The following CSNK1A1 variants were observed in gnomAD, a reference collection of about 807,000 sequenced individuals.
CSNK1A1 encodes casein kinase 1 alpha 1.
CSNK1A1 carries 7 observed loss-of-function variants against 46.1 expected under a neutral mutation model. The ratio of observed to expected loss-of-function variants is 0.15; its 90% CI spans 0.09 to 0.29. The LOEUF is 0.29. Among genes scored for constraint, CSNK1A1 ranks in the 10% least tolerant of loss-of-function variants. The pLI, the probability that CSNK1A1 is intolerant of heterozygous loss-of-function variation, is 1.00. For missense variants in CSNK1A1, 96 were observed against 417.1 expected, an observed-to-expected ratio of 0.23 and a Z score of 6.71; for synonymous variants, 137 against 141.5, an observed-to-expected ratio of 0.97 and a Z score of 0.23.
chr5:149,549,013 T>G (rs764695555), intron 2 of CSNK1A1, among the ~76,000 whole-genome samples: 7 of 152,196 alleles, frequency 4.6e-5, no homozygotes, highest in Admixed American at 6.5e-5. Context: ...GTTAAAACAT[T>G]AAAACCCTCC....
In CSNK1A1 at chr5:149,551,051, G is replaced by A. The variant is rs1762642973; in HGVS notation, c.-87C>T. The A allele has an allele frequency of 6.7e-7, 1 of 1,482,218 alleles. No individual in the cohort carries two copies. Among genetic ancestry groups the A allele is most frequent in the Non-Finnish European group, 9.2e-7 (1 of 1,083,218 alleles). The allele number at this position is 1,482,218 out of a possible 1,614,324, so 91.8% of individuals were successfully genotyped here. A position where few individuals can be genotyped will look rare whatever the true frequency, so the allele number is the denominator to read the frequency against. On this transcript the variant is annotated 5_prime_UTR_variant, in exon 1 of 10. Coordinates refer to ENST00000377843, the MANE Select transcript of CSNK1A1 (RefSeq NM_001892.6). The stretch of plus-strand genomic sequence containing the variant: ...CCTCGGGGCTCCTACACTAGGCAAG[G>A]CTACGGAGGAGGGCGGCAGGAAACG...
intron 5 of CSNK1A1, 41 bp from the exon 6 acceptor site, chr5:149,511,913 T>C (rs1761233891): frequency 6.8e-7 from 1 of 1,465,932 alleles, no homozygotes; most frequent in African/African-American, 1.4e-5. Flanking sequence ...GAACTATTAT[T>C]ATGAAAAAAC....
intron 2 of CSNK1A1, among the ~76,000 whole-genome samples, chr5:149,535,738 T>C (rs1452002088): frequency 6.6e-6 from 1 of 152,148 alleles, no homozygotes. Flanking sequence ...GCCTCCCAGA[T>C]TCAAGCGATT....
intron 2 of CSNK1A1, among the ~76,000 whole-genome samples, chr5:149,530,017 T>C (rs1417079830): frequency 6.6e-6 from 1 of 152,130 alleles, no homozygotes; most frequent in Admixed American, 6.5e-5. Flanking sequence ...CCAGAATAAA[T>C]CAGTGTAATT....
chr5:149,519,850 G>A (rs376086354), intron 4 of CSNK1A1, among the ~76,000 whole-genome samples: 4 of 152,122 alleles, frequency 2.6e-5, no homozygotes, highest in African/African-American at 9.7e-5. Flanking sequence ...TAACACCATG[G>A]TGACAGATAA....
At chr5:149,534,906 C>CAAAA (rs537826461) in intron 2 of CSNK1A1, among the ~76,000 whole-genome samples, 1 of 72,524 alleles carries the variant, frequency 1.4e-5, no homozygotes, top group Non-Finnish European at 2.9e-5. Context: ...CCTTGTCTCC[C>CAAAA]AAAAAAAAAA....
At chr5:149,538,922 CAAA>C (rs5872132) in intron 2 of CSNK1A1, among the ~76,000 whole-genome samples, 1 of 131,906 alleles carries the variant, frequency 7.6e-6, no homozygotes, top group Admixed American at 7.5e-5. Flanking sequence ...AACTCCGTCT[CAAA>C]AAAAAAAAAA....
chr5:149,547,965 G>A (rs1229035968), intron 2 of CSNK1A1, among the ~76,000 whole-genome samples: 2 of 151,920 alleles, frequency 1.3e-5, no homozygotes, highest in Admixed American at 6.5e-5. Context: ...CCGACTCCCG[G>A]GTTCAAGCTA....
At chr5:149,542,919 T>C (rs1226506809) in intron 2 of CSNK1A1, among the ~76,000 whole-genome samples, 2 of 151,112 alleles carry the variant, frequency 1.3e-5, no homozygotes, top group African/African-American at 2.4e-5. Flanking sequence ...GGTTTCGAAC[T>C]CCTGACCTCA....
At chr5:149,511,993 C>T (rs1022112970) in intron 5 of CSNK1A1, 121 bp from the exon 6 acceptor site, 21 of 685,018 alleles carry the variant, frequency 3.1e-5, no homozygotes, top group Admixed American at 9.2e-5. Flanking sequence ...TGGTGTCTTA[C>T]GCAAGAAGCT....
chr5:149,496,904 A>G, intron 9 of CSNK1A1, 44 bp from the exon 10 acceptor site: 1 of 1,528,664 alleles, frequency 6.5e-7, no homozygotes, highest in Non-Finnish European at 8.7e-7. Context: ...ATTCCAAGTC[A>G]AAAATTTTAA....
Position 149,512,967 on chromosome 5 carries a change from G to T in CSNK1A1, c.596+103C>A, listed in dbSNP as rs528752573. 4.7e-5 allele frequency: 64 copies of T among 1,356,948 alleles called. No individual in the cohort carries two copies. In the East Asian group the frequency reaches 1.5e-3, roughly 31 times the overall value. The allele number at this position is 1,356,948 out of a possible 1,614,324, so 84.1% of individuals were successfully genotyped here. A position where few individuals can be genotyped will look rare whatever the true frequency, so the allele number is the denominator to read the frequency against. ...TTAATAAGCATCCTTCAAATCCTCA[G>T]CCAAGAAACATCCTTAGACATTGTA... On this transcript the variant is annotated intron_variant, in intron 5 of 9. Coordinates refer to ENST00000377843, the MANE Select transcript of CSNK1A1 (RefSeq NM_001892.6).
chr5:149,498,390 T>C, intron 9 of CSNK1A1: 1 of 985,384 alleles, frequency 1.0e-6, no homozygotes, highest in Non-Finnish European at 1.2e-6. Flanking sequence ...ATGCATGTTA[T>C]TAAGAAGTAT....
At chr5:149,539,275 G>A (rs1762156327) in intron 2 of CSNK1A1, among the ~76,000 whole-genome samples, 1 of 151,994 alleles carries the variant, frequency 6.6e-6, no homozygotes, top group South Asian at 2.1e-4. Context: ...TACAGCCTGA[G>A]CAACACAGTG....
intron 9 of CSNK1A1, chr5:149,497,085 A>G (rs1760676674): frequency 7.5e-7 from 1 of 1,329,988 alleles, no homozygotes; most frequent in Non-Finnish European, 9.6e-7. Flanking sequence ...GGAGTGGTAC[A>G]GTGAATTCAA....
rs147882754 is a variant in CSNK1A1, at chr5:149,517,398, A to G, written c.456+2892T>C. Reference sequence around the variant, plus strand: ...TAGAATATATTCATTATACAGCACTAATGAACTGAATTTAAATATATTTCG... The same window carrying G: ...TAGAATATATTCATTATACAGCACTGATGAACTGAATTTAAATATATTTCG... On this transcript the variant is annotated intron_variant, in intron 4 of 9. Transcript: ENST00000377843. This position sits in a 1 kb window ranked among gnomAD's most constrained non-coding sequence, Gnocchi z 4.4. Among the ~76,000 whole-genome samples the G allele has an allele frequency of 3.9e-4, 59 of 152,302 alleles. No homozygotes were observed. The highest frequency in any genetic ancestry group is 1.3e-3 in the African/African-American group (56 of 41,576).
chr5:149,534,376 C>A (rs919744424), intron 2 of CSNK1A1, among the ~76,000 whole-genome samples: 1 of 149,480 alleles, frequency 6.7e-6, no homozygotes, highest in East Asian at 2.0e-4. Context: ...CAGCTACTCT[C>A]GGGAGGCTGA....
chr5:149,536,141 T>C (rs1010044955), intron 2 of CSNK1A1, among the ~76,000 whole-genome samples: 11 of 152,098 alleles, frequency 7.2e-5, no homozygotes, highest in Admixed American at 1.3e-4. Context: ...TTAGTAGATA[T>C]GGGGTTTCTC....
rs371560588 is a variant in CSNK1A1, at chr5:149,525,803, A to G, written c.231-632T>C. ...CCCTAATAAGAAGTATCAACTGCCAATTTCATTTATCCCAAGGACTGAAAA... is the reference window on the plus strand; with the variant it reads ...CCCTAATAAGAAGTATCAACTGCCAGTTTCATTTATCCCAAGGACTGAAAA... On this transcript the variant is annotated intron_variant, in intron 2 of 9. Coordinates refer to ENST00000377843, the MANE Select transcript of CSNK1A1 (RefSeq NM_001892.6). This position sits in a 1 kb window ranked among gnomAD's most constrained non-coding sequence, Gnocchi z 4.2. Among the ~76,000 whole-genome samples, 20 of 152,312 alleles carry G rather than the reference A, an allele frequency of 1.3e-4. No homozygotes were observed. The East Asian group carries it at 2.3e-3, about 18-fold the overall frequency.
Sources: gnomAD v4.1 joint callset for allele counts (sites outside exome capture counted in the v4.1 genomes callset) on GRCh38, gnomAD v4.1.1 for gene constraint, Gnocchi (gnomAD v3.1) non-coding constraint, MANE v1.5 for transcripts, NCBI Gene and HGNC (gene_info 2026-07-23, HGNC 2026-07-21) for gene names.